DDX54: variants seen among roughly 807,000 people sequenced by gnomAD.
DDX54 encodes the protein DEAD-box helicase 54.
Under a neutral mutation model 105.5 loss-of-function variants are expected in DDX54, and 67 were observed. That is an observed-to-expected ratio of 0.64 (90% CI 0.52 to 0.78). The LOEUF is 0.78. Among genes scored for constraint, DDX54 ranks in the 30% least tolerant of loss-of-function variants. DDX54 has a pLI of 0.00. For missense variants in DDX54, 1,206 were observed against 1,230.5 expected (o/e 0.98, Z 0.30); for synonymous variants, 514 against 509.9 (o/e 1.01, Z -0.11).
At position 113,185,306 on chromosome 12, in the gene DDX54, T is replaced by A. The variant is rs761073390; in HGVS notation, c.146A>T (p.Gln49Leu). The A allele has an allele frequency of 1.3e-6, 2 of 1,588,704 alleles. No individual in the cohort carries two copies. The highest frequency in any genetic ancestry group is 3.5e-5 in the Admixed American group (2 of 57,700). ...SDSEDGEFEI[Q>L]AEDDARARKL... The stretch of plus-strand genomic sequence containing the variant: ...CCGGGCCCGGGCGTCATCTTCCGCC[T>A]GGATCTCAAACTCGCCGTCCTCCGA... Residue 49 changes from glutamine (Q) to leucine (L), a missense_variant, in exon 1 of 20, where the codon CAG becomes CTG. Gln to Leu is a moderately radical substitution (Grantham distance 113, BLOSUM62 -2). Transcript: ENST00000306014.
rs764637879 is a variant in DDX54, at chr12:113,185,308, G to T, written c.144C>A (p.Ile48=). Residue 48 remains isoleucine (I), a synonymous_variant, in exon 1 of 20, where the codon ATC becomes ATA. Coordinates refer to ENST00000306014, the MANE Select transcript of DDX54 (RefSeq NM_024072.4). ...GSDSEDGEFE[I]QAEDDARARK... ...GGGCCCGGGCGTCATCTTCCGCCTG[G>T]ATCTCAAACTCGCCGTCCTCCGAGT... 1.6e-5 allele frequency: 26 copies of T among 1,589,264 alleles called. No homozygotes were observed. Among genetic ancestry groups the T allele is most frequent in the Non-Finnish European group, 2.0e-5 (24 of 1,171,660 alleles).
rs1315523488 is a variant in DDX54, at chr12:113,161,888, G to T, written c.2300+5C>A. The T allele has an allele frequency of 1.3e-6, 2 of 1,547,522 alleles. No individual in the cohort carries two copies. The highest frequency in any genetic ancestry group is 2.8e-5 in the African/African-American group (2 of 72,270). Reference sequence around the variant, plus strand: ...GCCCCTCCCCAGCCACGCCCCTCAGGATACAGGTCTCGCTTGTAGGAGCTG... The same window carrying T: ...GCCCCTCCCCAGCCACGCCCCTCAGTATACAGGTCTCGCTTGTAGGAGCTG... On this transcript the variant is annotated splice_donor_5th_base_variant and intron_variant, in intron 18 of 19. Coordinates refer to ENST00000306014, the MANE Select transcript of DDX54 (RefSeq NM_024072.4).
rs760253511 is a variant in DDX54, at chr12:113,180,962, T to C, written c.271A>G (p.Lys91Glu). 6.2e-7 allele frequency: 1 copy of C among 1,613,814 alleles called. No homozygotes were observed. Among genetic ancestry groups the C allele is most frequent in the Non-Finnish European group, 8.5e-7 (1 of 1,179,856 alleles). Reference protein sequence around the residue: ...TREMVRAQNKKKKKSGGFQSM... With the variant: ...TREMVRAQNKEKKKSGGFQSM... ...TGGAAGCCTCCAGACTTCTTCTTCT[T>C]CTTGTTCTGGGCACGCACCATCTCC... Residue 91 changes from lysine (K) to glutamate (E), a missense_variant, in exon 2 of 20, where the codon AAG (lysine) becomes GAG (glutamate). By Grantham distance (56) the Lys-to-Glu change is moderately conservative. Coordinates refer to ENST00000306014, the MANE Select transcript of DDX54 (RefSeq NM_024072.4).
At chr12:113,161,705 T>C (rs1481769544) in intron 18 of DDX54, among the ~76,000 whole-genome samples, 188 bp downstream of exon 18, 1 of 144,038 alleles carries the variant, frequency 6.9e-6, no homozygotes, top group East Asian at 2.1e-4. Flanking sequence ...TTCGAGATGC[T>C]GCTGCTGAAG....
rs754246194 is a variant in DDX54 at position 113,177,065 on chromosome 12, C to T, written c.643G>A (p.Glu215Lys). Residue 215 changes from glutamate to lysine, a missense_variant, in exon 6 of 20, where the codon GAA becomes AAA. This residue lies in a region of DDX54 where 961 missense variants were observed against 1,019.1 expected (regional missense o/e 0.94). Coordinates refer to ENST00000306014, the MANE Select transcript of DDX54 (RefSeq NM_024072.4). The stretch of plus-strand genomic sequence containing the variant: ...CCACAAACTCACATGTCGGGATTTT[C>T]GTGCAGGGCTGCAAACTGGTCTTCC... ...RMEDQFAALHENPDIIIATPG... is the reference protein window; with the variant it reads ...RMEDQFAALHKNPDIIIATPG... 25 of 1,614,116 alleles carry T rather than the reference C, an allele frequency of 1.5e-5. No individual in the cohort carries two copies. Among genetic ancestry groups the T allele is most frequent in the Non-Finnish European group, 1.9e-5 (23 of 1,180,000 alleles).
intron 17 of DDX54, among the ~76,000 whole-genome samples, chr12:113,162,559 T>C (rs932840932): frequency 6.6e-6 from 1 of 152,168 alleles, no homozygotes; most frequent in Non-Finnish European, 1.5e-5. Context: ...GAGCTCACCC[T>C]GCCTGCTGGC....
At chr12:113,183,793 T>G (rs190476923) in intron 1 of DDX54, 1 of 152,222 alleles carries the variant, frequency 6.6e-6, no homozygotes, top group African/African-American at 2.4e-5. Flanking sequence ...TTTTTTTTTT[T>G]TTCTTTTTTT....
In DDX54 at chr12:113,165,670, T is replaced by G. The variant is rs1952263196; in HGVS notation, c.1693A>C (p.Ser565Arg). 1 of 1,613,020 alleles carries G rather than the reference T, an allele frequency of 6.2e-7. No homozygotes were observed. Among genetic ancestry groups the G allele is most frequent in the Non-Finnish European group, 8.5e-7 (1 of 1,179,528 alleles). Residue 565 changes from serine to arginine, a missense_variant, in exon 14 of 20, where the codon AGC becomes CGC. Coordinates refer to ENST00000306014, the MANE Select transcript of DDX54 (RefSeq NM_024072.4). ...EELQRLRLVDSIKNYRSRATI... is the reference protein window; with the variant it reads ...EELQRLRLVDRIKNYRSRATI... ...GCCCGGGAGCGGTAGTTCTTTATGC[T>G]GTCCACCAGCCTCAGCCGCTGCAGC...
At chr12:113,168,524 C>G (rs566035724) in intron 12 of DDX54, among the ~76,000 whole-genome samples, 1 of 152,208 alleles carries the variant, frequency 6.6e-6, no homozygotes, top group Non-Finnish European at 1.5e-5. Context: ...GTCCAGGGCC[C>G]GGGAACCAGC....
Position 113,158,781 on chromosome 12 carries a change from G to T in DDX54, c.*96C>A. Reference sequence around the variant, plus strand: ...GGCTCCTGCAGGGAGTGCCCCCAGTGCCCAGCACAGGGCCAGGCACACAGT... The same window carrying T: ...GGCTCCTGCAGGGAGTGCCCCCAGTTCCCAGCACAGGGCCAGGCACACAGT... On this transcript the variant is annotated 3_prime_UTR_variant, in exon 20 of 20. Transcript: ENST00000306014. The surrounding 1 kb of genome is among the most constrained non-coding windows in gnomAD (Gnocchi z 4.9). 1 of 1,358,370 alleles carries T rather than the reference G, an allele frequency of 7.4e-7. No homozygotes were observed. Among genetic ancestry groups the T allele is most frequent in the Non-Finnish European group, 9.9e-7 (1 of 1,006,596 alleles). 84.1% of individuals were successfully genotyped at this position (1,358,370 alleles called of 1,614,324 possible).
At chr12:113,174,538 C>A (rs761390663) in intron 10 of DDX54, 102 bp downstream of exon 10, 6 of 1,494,582 alleles carry the variant, frequency 4.0e-6, no homozygotes, top group Admixed American at 2.2e-5. Flanking sequence ...CAGGCCCAGG[C>A]TCCTGGTCCG....
rs762189824 is a variant in DDX54, at chr12:113,163,318, C to G, written c.1939-44G>C. On this transcript the variant is annotated intron_variant, in intron 15 of 19. Transcript: ENST00000306014. The surrounding 1 kb of genome is among the most constrained non-coding windows in gnomAD (Gnocchi z 5.9). ...AGGCCCAGTGTCATGCCTGCTGCCC[C>G]CTGGGGACTTCCCCCTGCCTCCCTA... 1 of 1,575,254 alleles carries G rather than the reference C, an allele frequency of 6.3e-7. No homozygotes were observed. The highest frequency in any genetic ancestry group is 2.3e-5 in the East Asian group (1 of 44,124).
At chr12:113,168,493 T>A (rs972241668) in intron 12 of DDX54, among the ~76,000 whole-genome samples, 1 of 152,242 alleles carries the variant, frequency 6.6e-6, no homozygotes, top group Non-Finnish European at 1.5e-5. Flanking sequence ...CTAGCACAGA[T>A]GGACAAATGA....
chr12:113,167,157 G>A (rs1210362298), intron 12 of DDX54, among the ~76,000 whole-genome samples: 3 of 152,094 alleles, frequency 2.0e-5, no homozygotes, highest in Non-Finnish European at 2.9e-5. Context: ...CAGGAGGATC[G>A]CTTGAGTGCA....
At chr12:113,184,299 CT>C (rs1190818366) in intron 1 of DDX54, among the ~76,000 whole-genome samples, 1 of 152,024 alleles carries the variant, frequency 6.6e-6, no homozygotes, top group Non-Finnish European at 1.5e-5. Flanking sequence ...CCAGGCTGAT[CT>C]TGAACTCCTG....
chr12:113,161,598 G>A, intron 18 of DDX54: 1 of 547,136 alleles, frequency 1.8e-6, no homozygotes, highest in South Asian at 2.1e-5. Flanking sequence ...AGATGCCGCT[G>A]CTGAAGCTGC....
intron 14 of DDX54, among the ~76,000 whole-genome samples, chr12:113,164,603 A>T (rs1316518278): frequency 3.3e-5 from 5 of 152,282 alleles, no homozygotes; most frequent in Admixed American, 3.3e-4. Flanking sequence ...AGTCCCAGCT[A>T]CTTAGGAGGC....
At position 113,179,518 on chromosome 12, in the gene DDX54, C is replaced by T. The variant is rs533570352; in HGVS notation, c.376-187G>A. 1.1e-4 allele frequency among the ~76,000 whole-genome samples: 16 copies of T among 152,316 alleles called. No homozygotes were observed. In the South Asian group the frequency reaches 2.3e-3, roughly 22 times the overall value. On this transcript the variant is annotated intron_variant, in intron 3 of 19. Coordinates refer to ENST00000306014, the MANE Select transcript of DDX54 (RefSeq NM_024072.4). ...CTGTTAGCATGCCTCCAAGGATGAG[C>T]GGCTCACTACCCCAACTCTTTCCAT...
intron 17 of DDX54, among the ~76,000 whole-genome samples, chr12:113,162,379 A>G (rs1485206385): frequency 6.6e-6 from 1 of 152,184 alleles, no homozygotes; most frequent in African/African-American, 2.4e-5. Context: ...CCCTGTCTAG[A>G]AAGACTTGCC....
Sources: allele counts gnomAD v4.1 joint callset (sites outside exome capture counted in the v4.1 genomes callset), GRCh38; gene constraint gnomAD v4.1.1; regional missense constraint gnomAD v4.1.1; non-coding constraint Gnocchi (gnomAD v3.1); transcripts MANE v1.5; gene names NCBI Gene and HGNC (gene_info 2026-07-23, HGNC 2026-07-21).